The following ABHD17C variants were observed in gnomAD, a reference collection of about 807,000 sequenced individuals.
ABHD17C encodes the protein abhydrolase domain containing 17C, depalmitoylase.
ABHD17C carries 11 observed loss-of-function variants against 27.9 expected under a neutral mutation model. The ratio of observed to expected loss-of-function variants is 0.39; its 90% CI spans 0.25 to 0.65. ABHD17C has a LOEUF of 0.65. Among genes scored for constraint, ABHD17C ranks in the 30% least tolerant of loss-of-function variants. The pLI, the probability that ABHD17C is intolerant of heterozygous loss-of-function variation, is 0.45. For synonymous variants in ABHD17C, 233 were observed against 209.1 expected (o/e 1.11, Z -0.98); for missense variants, 280 against 470.2 (o/e 0.60, Z 3.74).
intron 2 of ABHD17C, among the ~76,000 whole-genome samples, chr15:80,751,763 T>C (rs1205836492): frequency 6.6e-6 from 1 of 152,202 alleles, no homozygotes; most frequent in Non-Finnish European, 1.5e-5. Context: ...CTTAAAAAAA[T>C]TTTTTAAAAG....
rs747127788 is a variant in ABHD17C, at chr15:80,754,323, C to T, written c.943C>T (p.Leu315=). The change falls in exon 3 of 3, where the codon CTA becomes TTA. Residue 315 remains leucine, a synonymous_variant. Transcript: ENST00000258884. ...TGACATAGAGCTTTATGCACAATAC[C>T]TAGAAAGACTAAAACAGTTCATATC... is the stretch of plus-strand genomic sequence containing the variant. The part of the protein sequence containing the change: ...HNDIELYAQY[L]ERLKQFISHE... 2 of 1,613,892 alleles carry T rather than the reference C, an allele frequency of 1.2e-6. No homozygotes were observed. Among genetic ancestry groups the T allele is most frequent in the Non-Finnish European group, 1.7e-6 (2 of 1,179,860 alleles).
At chr15:80,728,193 G>A (rs1189570863) in intron 1 of ABHD17C, among the ~76,000 whole-genome samples, 2 of 152,170 alleles carry the variant, frequency 1.3e-5, no homozygotes, top group East Asian at 1.9e-4. Context: ...ATTCTGTTGT[G>A]TGCCACGTGC....
At chr15:80,739,698 C>G (rs1052154325) in intron 1 of ABHD17C, among the ~76,000 whole-genome samples, 1 of 152,160 alleles carries the variant, frequency 6.6e-6, no homozygotes, top group Non-Finnish European at 1.5e-5. Context: ...AAGTACTGGT[C>G]CCATGCTTGT....
chr15:80,739,095 T>G (rs1418554970), intron 1 of ABHD17C, among the ~76,000 whole-genome samples: 1 of 152,138 alleles, frequency 6.6e-6, no homozygotes, highest in Non-Finnish European at 1.5e-5. Flanking sequence ...TAGATCTAGC[T>G]AATGTGGTAT....
intron 1 of ABHD17C, among the ~76,000 whole-genome samples, chr15:80,724,804 G>T (rs1337378074): frequency 1.3e-5 from 2 of 152,098 alleles, no homozygotes; most frequent in African/African-American, 4.8e-5. Context: ...TATTCATTCT[G>T]TTCCTAGTTT....
intron 1 of ABHD17C, among the ~76,000 whole-genome samples, chr15:80,740,097 C>G (rs1159606173): frequency 2.6e-5 from 4 of 152,172 alleles, no homozygotes; most frequent in African/African-American, 9.7e-5. Context: ...TATTGCTTAA[C>G]TAAGCCCTTG....
At chr15:80,751,830 T>C (rs1459784566) in intron 2 of ABHD17C, among the ~76,000 whole-genome samples, 3 of 152,218 alleles carry the variant, frequency 2.0e-5, no homozygotes, top group Non-Finnish European at 4.4e-5. Context: ...CCATAAATTA[T>C]TAATATGATA....
Position 80,755,525 on chromosome 15 carries a change from G to A in ABHD17C, c.*1155G>A, listed in dbSNP as rs778422481. 1.3e-5 allele frequency: 2 copies of A among 151,978 alleles called. No individual in the cohort carries two copies. The highest frequency in any genetic ancestry group is 4.8e-5 in the African/African-American group (2 of 41,344). 9.4% of individuals were successfully genotyped at this position (151,978 alleles called of 1,614,324 possible). The stretch of plus-strand genomic sequence containing the variant: ...TTAAATGTACTGTAAGCCTCAGATC[G>A]TTGTACAACTGGACTGCGGTTGATT... On this transcript the variant is annotated 3_prime_UTR_variant, in exon 3 of 3. Coordinates refer to ENST00000258884, the MANE Select transcript of ABHD17C (RefSeq NM_021214.2).
In ABHD17C at chr15:80,734,435, A is replaced by T. The variant is rs538754561; in HGVS notation, c.591-15078A>T. Among the ~76,000 whole-genome samples, 61 of 152,362 alleles carry T rather than the reference A, an allele frequency of 4.0e-4. 1 individual carries two copies. In the South Asian group the frequency reaches 0.013, roughly 32 times the overall value. On this transcript the variant is annotated intron_variant, in intron 1 of 2. Transcript: ENST00000258884. ...ACATGTTAAATAATTACAGAATGCC[A>T]AAAGAATCTCCATTATTATTAGAAC...
intron 1 of ABHD17C, among the ~76,000 whole-genome samples, chr15:80,729,355 T>G (rs1009729938): frequency 5.9e-5 from 9 of 152,250 alleles, no homozygotes; most frequent in African/African-American, 2.2e-4. Flanking sequence ...ATATGAAATC[T>G]TAATAAAATC....
intron 1 of ABHD17C, among the ~76,000 whole-genome samples, chr15:80,700,329 G>A (rs1352081201): frequency 6.6e-6 from 1 of 152,192 alleles, no homozygotes; most frequent in Non-Finnish European, 1.5e-5. Context: ...TAATCTGGAG[G>A]AACAGGAGAG....
chr15:80,700,326 G>T (rs909390810), intron 1 of ABHD17C, among the ~76,000 whole-genome samples: 1 of 152,190 alleles, frequency 6.6e-6, no homozygotes. Context: ...TTTTAATCTG[G>T]AGGAACAGGA....
At chr15:80,753,424 C>T (rs748911533) in intron 2 of ABHD17C, among the ~76,000 whole-genome samples, 5 of 152,172 alleles carry the variant, frequency 3.3e-5, no homozygotes, top group Non-Finnish European at 7.3e-5. Flanking sequence ...TAGTAATGCA[C>T]CAACGTTGGT....
intron 1 of ABHD17C, among the ~76,000 whole-genome samples, chr15:80,714,190 G>T (rs982552864): frequency 1.3e-5 from 2 of 152,014 alleles, no homozygotes; most frequent in African/African-American, 4.8e-5. Flanking sequence ...TTCTGGGCTC[G>T]AGCAGTCTGC....
chr15:80,754,078 A>T, intron 2 of ABHD17C, 73 bp from the exon 3 acceptor site: 1 of 1,168,172 alleles, frequency 8.6e-7, no homozygotes, highest in Non-Finnish European at 1.3e-6. Flanking sequence ...ACTTATCATT[A>T]AATGTGATGT....
At chr15:80,749,490 C>CAT in intron 1 of ABHD17C, 23 bp from the exon 2 acceptor site, 1 of 1,609,834 alleles carries the variant, frequency 6.2e-7, no homozygotes, top group Non-Finnish European at 8.5e-7. Context: ...TAGCTAATGG[C>CAT]ATACAACCTC....
chr15:80,754,335 A>G lies in ABHD17C; in HGVS notation c.955A>G (p.Lys319Glu). ...TTATGCACAATACCTAGAAAGACTA[A>G]AACAGTTCATATCTCACGAACTTCC... ...ELYAQYLERL[K>E]QFISHELPNS The change falls in exon 3 of 3, where the codon AAA (lysine) becomes GAA (glutamate). Residue 319 changes from lysine to glutamate, a missense_variant. Around this residue, in one of 2 missense-constraint regions of ABHD17C, gnomAD observed 206 missense variants for 394.7 expected, o/e 0.52. Transcript: ENST00000258884. 1 of 1,613,846 alleles carries G rather than the reference A, an allele frequency of 6.2e-7. No individual in the cohort carries two copies. Among genetic ancestry groups the G allele is most frequent in the Non-Finnish European group, 8.5e-7 (1 of 1,179,836 alleles).
intron 1 of ABHD17C, among the ~76,000 whole-genome samples, chr15:80,739,295 C>G (rs905654441): frequency 1.3e-5 from 2 of 152,324 alleles, no homozygotes; most frequent in East Asian, 3.9e-4. Flanking sequence ...CTGCCAGGTT[C>G]CACAGGCAAC....
chr15:80,725,719 T>C (rs1197966228), intron 1 of ABHD17C, among the ~76,000 whole-genome samples: 1 of 152,200 alleles, frequency 6.6e-6, no homozygotes, highest in African/African-American at 2.4e-5. Flanking sequence ...AGTCTTGCTA[T>C]GTAGCCCAGG....
Sources: allele counts gnomAD v4.1 joint callset (sites outside exome capture counted in the v4.1 genomes callset), GRCh38; gene constraint gnomAD v4.1.1; regional missense constraint gnomAD v4.1.1; transcripts MANE v1.5; gene names NCBI Gene and HGNC (gene_info 2026-07-23, HGNC 2026-07-21).